SHROOM2: variants seen among roughly 807,000 people sequenced by gnomAD.
SHROOM2 encodes protein Shroom2.
A neutral mutation model predicts 75.9 loss-of-function variants in SHROOM2; 33 were observed. The observed-to-expected ratio is 0.43, with a 90% CI of 0.33 to 0.58. The LOEUF (loss-of-function observed/expected upper bound fraction) is 0.58. SHROOM2 is among the 20% of genes least tolerant of loss of function. The pLI, the probability that SHROOM2 is intolerant of heterozygous loss-of-function variation, is 0.04. For synonymous variants in SHROOM2, 655 were observed against 663.6 expected (o/e 0.99, Z 0.20); for missense variants, 1,434 against 1,461.2 (o/e 0.98, Z 0.30).
At chrX:9,856,636 C>T (rs1043848602) in intron 1 of SHROOM2, among the ~76,000 whole-genome samples, 9 of 111,734 alleles carry the variant, frequency 8.1e-5, no homozygotes, top group African/African-American at 2.9e-4. Context: ...GGATCCTGGA[C>T]TGGAGCGTTT....
At chrX:9,843,431 C>G (rs1451397241) in intron 1 of SHROOM2, among the ~76,000 whole-genome samples, 2 of 109,041 alleles carry the variant, frequency 1.8e-5, no homozygotes, top group African/African-American at 6.7e-5. Context: ...CAAGGCCTCT[C>G]TCTGTTTCCC....
chrX:9,791,375 G>A (rs2083646825), intron 1 of SHROOM2, among the ~76,000 whole-genome samples: 1 of 111,787 alleles, frequency 8.9e-6, no homozygotes, highest in African/African-American at 3.2e-5. Context: ...TTTTGTATCA[G>A]CATGCAAATA....
intron 1 of SHROOM2, among the ~76,000 whole-genome samples, chrX:9,824,541 C>T (rs1308750973): frequency 1.8e-5 from 2 of 112,066 alleles, no homozygotes; most frequent in Non-Finnish European, 3.8e-5. Flanking sequence ...AGAAATCTTC[C>T]ATTCCATAGA....
intron 2 of SHROOM2, among the ~76,000 whole-genome samples, chrX:9,879,926 G>A (rs1281178328): frequency 8.9e-6 from 1 of 112,124 alleles, no homozygotes; most frequent in Admixed American, 9.4e-5. Context: ...AAATGATGTA[G>A]ACTTTTATTT....
At position 9,947,882 on chromosome X, in the gene SHROOM2, C is replaced by T. The variant is rs976705682; in HGVS notation, c.*945C>T. 45 of 112,274 alleles carry T rather than the reference C, an allele frequency of 4.0e-4. No individual in the cohort carries two copies. The highest frequency in any genetic ancestry group is 1.4e-3 in the African/African-American group (42 of 30,877). The allele number at this position is 112,274 out of a possible 1,213,427, so 9.3% of individuals were successfully genotyped here. A position where few individuals can be genotyped will look rare whatever the true frequency, so the allele number is the denominator to read the frequency against. ...TGGCATGAGGGCCACATTCCATGGACGGGAAGACCCCTTCCTCTTCAGAGG... is the reference window on the plus strand; with the variant it reads ...TGGCATGAGGGCCACATTCCATGGATGGGAAGACCCCTTCCTCTTCAGAGG... On this transcript the variant is annotated 3_prime_UTR_variant, in exon 10 of 10. Coordinates refer to ENST00000380913, the MANE Select transcript of SHROOM2 (RefSeq NM_001649.4).
intron 5 of SHROOM2, among the ~76,000 whole-genome samples, chrX:9,921,727 C>G (rs1349018770): frequency 2.7e-5 from 3 of 112,125 alleles, no homozygotes; most frequent in African/African-American, 9.7e-5. Context: ...TGGCTTGTCT[C>G]ACTTAGCATA....
chrX:9,864,168 C>T (rs747651192), intron 1 of SHROOM2, among the ~76,000 whole-genome samples: 81 of 111,154 alleles, frequency 7.3e-4, no homozygotes, highest in African/African-American at 2.5e-3. Context: ...TCCCCAAGCG[C>T]CGGTACCTTC....
intron 6 of SHROOM2, 28 bp from the exon 7 acceptor site, chrX:9,937,106 C>T (rs775238535): frequency 6.1e-6 from 7 of 1,153,260 alleles, no homozygotes; most frequent in South Asian, 4.0e-5. Context: ...GCATGCTTTG[C>T]GATTTCAGCA....
chrX:9,797,455 T>C (rs1387107859), intron 1 of SHROOM2, among the ~76,000 whole-genome samples: 1 of 112,559 alleles, frequency 8.9e-6, no homozygotes, highest in Non-Finnish European at 1.9e-5. Context: ...CTGGGAGAAA[T>C]CAGAAGTTTT....
At chrX:9,937,004 C>T (rs1428219905) in intron 6 of SHROOM2, 130 bp from the exon 7 acceptor site, 2 of 638,941 alleles carry the variant, frequency 3.1e-6, no homozygotes, top group African/African-American at 4.6e-5. Flanking sequence ...CATGGAGGCT[C>T]CTTCGAGTTG....
At position 9,866,751 on chromosome X, in the gene SHROOM2, G is replaced by A. The variant is rs371200488; in HGVS notation, c.166-6901G>A. ...CTCCTCCACTGCCATGGCTGCCTTC[G>A]CTGGGCCCCCACTGCCTGCAGGACA... On this transcript the variant is annotated intron_variant, in intron 1 of 9. Coordinates refer to ENST00000380913, the MANE Select transcript of SHROOM2 (RefSeq NM_001649.4). 1.5e-3 allele frequency among the ~76,000 whole-genome samples: 167 copies of A among 111,564 alleles called. 1 individual carries two copies. The highest frequency in any genetic ancestry group is 4.9e-3 in the African/African-American group (150 of 30,668).
intron 1 of SHROOM2, among the ~76,000 whole-genome samples, chrX:9,868,078 C>A (rs954732527): frequency 2.7e-5 from 3 of 110,068 alleles, no homozygotes; most frequent in Admixed American, 1.9e-4. Flanking sequence ...CTGTGTCACC[C>A]TGAAGAAGTG....
chrX:9,913,834 T>TA (rs1160275776), intron 5 of SHROOM2, among the ~76,000 whole-genome samples: 4 of 112,112 alleles, frequency 3.6e-5, no homozygotes, highest in Non-Finnish European at 5.6e-5. Flanking sequence ...TAATGTATCA[T>TA]ATAAAAAAAC....
intron 1 of SHROOM2, among the ~76,000 whole-genome samples, chrX:9,811,458 T>G (rs1601920140): frequency 8.9e-6 from 1 of 112,298 alleles, no homozygotes; most frequent in East Asian, 2.8e-4. Flanking sequence ...TGGTGAGCAC[T>G]CACATGGGAT....
intron 5 of SHROOM2, among the ~76,000 whole-genome samples, chrX:9,924,257 A>T (rs2084573430): frequency 8.9e-6 from 1 of 112,377 alleles, no homozygotes; most frequent in South Asian, 3.7e-4. Context: ...TCATTGGGCA[A>T]TTTCAGTTTT....
At chrX:9,800,821 C>T (rs1280237569) in intron 1 of SHROOM2, among the ~76,000 whole-genome samples, 1 of 108,625 alleles carries the variant, frequency 9.2e-6, no homozygotes, top group Non-Finnish European at 1.9e-5. Context: ...GCACCATGCT[C>T]AGTTAATTAT....
intron 2 of SHROOM2, among the ~76,000 whole-genome samples, chrX:9,889,400 T>C (rs779356501): frequency 4.4e-5 from 5 of 112,663 alleles, no homozygotes; most frequent in African/African-American, 1.3e-4. Context: ...AGAGGCCCGC[T>C]TGAGCTCGTT....
At chrX:9,880,480 A>G (rs2084225682) in intron 2 of SHROOM2, among the ~76,000 whole-genome samples, 1 of 113,097 alleles carries the variant, frequency 8.8e-6, no homozygotes, top group African/African-American at 3.2e-5. Context: ...ACGTGCTTTC[A>G]GTGTGTTGCC....
chrX:9,878,679 C>A, intron 2 of SHROOM2, among the ~76,000 whole-genome samples: 1 of 111,569 alleles, frequency 9.0e-6, no homozygotes, highest in Middle Eastern at 4.6e-3. Context: ...CTACTCGCAA[C>A]GGTGGCAGCA....
Sources: allele counts gnomAD v4.1 joint callset (sites outside exome capture counted in the v4.1 genomes callset), GRCh38; gene constraint gnomAD v4.1.1; transcripts MANE v1.5; gene names NCBI Gene and HGNC (gene_info 2026-07-23, HGNC 2026-07-21).